The following NEGR1 variants were observed in gnomAD, a reference collection of about 807,000 sequenced individuals.
The protein encoded by NEGR1 is neuronal growth regulator 1.
Under a neutral mutation model 40.9 loss-of-function variants are expected in NEGR1, and 10 were observed. The ratio of observed to expected loss-of-function variants is 0.24; its 90% CI spans 0.15 to 0.42. NEGR1 has a LOEUF of 0.42. NEGR1 is among the 10% of genes least tolerant of loss of function. The pLI is 1.00. For synonymous variants in NEGR1, 185 were observed against 166.8 expected, an observed-to-expected ratio of 1.11 and a Z score of -0.84; for missense variants, 352 against 438.9, an observed-to-expected ratio of 0.80 and a Z score of 1.77.
rs1017298860 is a variant in NEGR1 at position 71,398,737 on chromosome 1, G to A, written c.*8709C>T. On this transcript the variant is annotated 3_prime_UTR_variant, in exon 7 of 7. Coordinates refer to ENST00000357731, the MANE Select transcript of NEGR1 (RefSeq NM_173808.3). ...AGGACATGAGATTTGGGAGGGACCA[G>A]GGGTGGAATGATATGGTTTGGCTGT... 6.6e-6 allele frequency: 1 copy of A among 152,166 alleles called. No individual in the cohort carries two copies. Among genetic ancestry groups the A allele is most frequent in the Admixed American group, 6.5e-5 (1 of 15,282 alleles). The allele number at this position is 152,166 out of a possible 1,614,324, so 9.4% of individuals were successfully genotyped here.
chr1:71,949,746 G>C (rs1646052508), intron 1 of NEGR1, among the ~76,000 whole-genome samples: 1 of 151,966 alleles, frequency 6.6e-6, no homozygotes, highest in Non-Finnish European at 1.5e-5. Context: ...ATATAATTTG[G>C]AACAAATGGA....
intron 6 of NEGR1, among the ~76,000 whole-genome samples, chr1:71,511,069 T>A (rs1647069669): frequency 6.6e-6 from 1 of 152,216 alleles, no homozygotes; most frequent in African/African-American, 2.4e-5. Flanking sequence ...ATTTTGCAGA[T>A]GCAGGCTACA....
At chr1:71,671,073 T>C (rs1051925389) in intron 4 of NEGR1, among the ~76,000 whole-genome samples, 2 of 152,352 alleles carry the variant, frequency 1.3e-5, no homozygotes, top group Non-Finnish European at 2.9e-5. Context: ...TAACTATTTA[T>C]TGTTATATTT....
chr1:71,816,996 C>T (rs1260871241), intron 2 of NEGR1, among the ~76,000 whole-genome samples: 2 of 151,400 alleles, frequency 1.3e-5, no homozygotes, highest in African/African-American at 4.8e-5. Flanking sequence ...TCCCTCTTCA[C>T]CTAGCTCCCA....
At chr1:71,606,046 A>G (rs953247615) in intron 5 of NEGR1, among the ~76,000 whole-genome samples, 1 of 152,178 alleles carries the variant, frequency 6.6e-6, no homozygotes, top group Non-Finnish European at 1.5e-5. Flanking sequence ...CCCTCTCACA[A>G]TGACAATTTC....
chr1:72,037,680 C>A (rs1050265284), intron 1 of NEGR1, among the ~76,000 whole-genome samples: 4 of 152,090 alleles, frequency 2.6e-5, no homozygotes, highest in Non-Finnish European at 4.4e-5. Flanking sequence ...TAAACTATTT[C>A]ATGAATATCT....
intron 1 of NEGR1, among the ~76,000 whole-genome samples, chr1:72,137,705 C>G (rs1481810039): frequency 6.6e-6 from 1 of 151,842 alleles, no homozygotes; most frequent in Non-Finnish European, 1.5e-5. Flanking sequence ...CACATGTACC[C>G]CAGAACTTAA....
intron 6 of NEGR1, among the ~76,000 whole-genome samples, chr1:71,534,743 G>T (rs962852474): frequency 6.6e-6 from 1 of 151,618 alleles, no homozygotes; most frequent in African/African-American, 2.4e-5. Flanking sequence ...TTCCTTGTAT[G>T]TGTCAAGCAA....
intron 2 of NEGR1, among the ~76,000 whole-genome samples, chr1:71,821,135 T>G (rs2101776477): frequency 6.6e-6 from 1 of 152,162 alleles, no homozygotes; most frequent in Non-Finnish European, 1.5e-5. Flanking sequence ...ATTTATAGTT[T>G]TGCCTCAGGG....
At chr1:71,821,828 A>G (rs1658438630) in intron 2 of NEGR1, among the ~76,000 whole-genome samples, 1 of 151,976 alleles carries the variant, frequency 6.6e-6, no homozygotes. Context: ...CAGAAATTAC[A>G]CAAGAAAGAG....
chr1:71,998,640 A>G (rs2100375145), intron 1 of NEGR1, among the ~76,000 whole-genome samples: 1 of 151,966 alleles, frequency 6.6e-6, no homozygotes, highest in East Asian at 1.9e-4. Flanking sequence ...GCTTAAAGGA[A>G]GTCATAACCT....
intron 1 of NEGR1, among the ~76,000 whole-genome samples, chr1:72,230,047 C>G (rs984541300): frequency 1.3e-5 from 2 of 152,052 alleles, no homozygotes; most frequent in African/African-American, 4.8e-5. Context: ...TTTAGGCAAC[C>G]ACATTGGGTA....
chr1:71,834,909 A>ACACAC (rs1553168608), intron 2 of NEGR1, among the ~76,000 whole-genome samples: 1 of 151,744 alleles, frequency 6.6e-6, no homozygotes, highest in African/African-American at 2.4e-5. Flanking sequence ...ACACACACAC[A>ACACAC]GCAGTTATCT....
intron 2 of NEGR1, among the ~76,000 whole-genome samples, chr1:71,785,285 G>GAA (rs1333987669): frequency 2.0e-5 from 3 of 152,120 alleles, no homozygotes; most frequent in Non-Finnish European, 4.4e-5. Flanking sequence ...TTCCTTAGTA[G>GAA]AAAATGGTCA....
intron 1 of NEGR1, among the ~76,000 whole-genome samples, chr1:72,227,784 A>G (rs1226242456): frequency 3.3e-5 from 5 of 152,122 alleles, no homozygotes; most frequent in African/African-American, 1.2e-4. Flanking sequence ...CAATTCATAA[A>G]GTATTAGAGA....
intron 2 of NEGR1, among the ~76,000 whole-genome samples, chr1:71,781,782 T>C (rs1656725564): frequency 6.6e-6 from 1 of 152,130 alleles, no homozygotes; most frequent in African/African-American, 2.4e-5. Flanking sequence ...CCTTTAAAAG[T>C]TGTTATATAT....
chr1:71,493,983 T>G (rs1330023900), intron 6 of NEGR1, among the ~76,000 whole-genome samples: 1 of 152,212 alleles, frequency 6.6e-6, no homozygotes, highest in East Asian at 1.9e-4. Flanking sequence ...TTGCCTGAAG[T>G]GACTTATCTT....
chr1:71,989,474 C>A (rs963780587), intron 1 of NEGR1, among the ~76,000 whole-genome samples: 3 of 152,132 alleles, frequency 2.0e-5, no homozygotes, highest in Non-Finnish European at 4.4e-5. Context: ...CCAGCAACTG[C>A]ATTTTGTGTT....
rs71651489 is a variant in NEGR1, at chr1:71,827,173, T to C, written c.410-50876A>G. ...CTTTGCAGAAAAAAAAGGAGCTTTT[T>C]TTTCTATTCTATTGTGTTCTGTTTT... On this transcript the variant is annotated intron_variant, in intron 2 of 6. Coordinates refer to ENST00000357731, the MANE Select transcript of NEGR1 (RefSeq NM_173808.3). Among the ~76,000 whole-genome samples the C allele has an allele frequency of 6.0e-3, 906 of 151,794 alleles. 8 individuals carry two copies. The highest frequency in any genetic ancestry group is 9.8e-3 in the Non-Finnish European group (665 of 67,828).
Sources: gnomAD v4.1 joint callset for allele counts (sites outside exome capture counted in the v4.1 genomes callset) on GRCh38, gnomAD v4.1.1 for gene constraint, MANE v1.5 for transcripts, NCBI Gene and HGNC (gene_info 2026-07-23, HGNC 2026-07-21) for gene names.